The following SETBP1 variants were observed in gnomAD, a reference collection of about 807,000 sequenced individuals.
The protein encoded by SETBP1 is SET binding protein 1, also known as SET-binding protein.
SETBP1 carries 9 observed loss-of-function variants against 101.0 expected under a neutral mutation model. The ratio of observed to expected loss-of-function variants is 0.09; its 90% CI spans 0.05 to 0.16. SETBP1 has a LOEUF of 0.16. Among genes scored for constraint, SETBP1 ranks in the 10% least tolerant of loss-of-function variants. The probability of loss-of-function intolerance (pLI) is 1.00; values close to 1 mark genes in which losing one functional copy is unlikely to be tolerated. For missense variants in SETBP1, 1,858 were observed against 2,033.8 expected (o/e 0.91, Z 1.66); for synonymous variants, 818 against 788.5 (o/e 1.04, Z -0.63).
Position 44,788,604 on chromosome 18 carries a change from C to T in SETBP1, c.487-80626C>T, listed in dbSNP as rs149984029. On this transcript the variant is annotated intron_variant, in intron 2 of 5. Coordinates refer to ENST00000649279, the MANE Select transcript of SETBP1 (RefSeq NM_015559.3). Reference sequence around the variant, plus strand: ...CTTATCTTTGCAGTATTTCCACTCACTTATGGTGTTGTTTATTCTGTTACA... The same window carrying T: ...CTTATCTTTGCAGTATTTCCACTCATTTATGGTGTTGTTTATTCTGTTACA... Among the ~76,000 whole-genome samples the T allele has an allele frequency of 8.0e-3, 1,215 of 152,150 alleles. 16 individuals are homozygous for T. Among genetic ancestry groups the T allele is most frequent in the African/African-American group, 0.027 (1,136 of 41,466 alleles).
intron 2 of SETBP1, 71 bp downstream of exon 2, chr18:44,701,903 G>A: frequency 2.0e-6 from 3 of 1,523,280 alleles, no homozygotes; most frequent in Non-Finnish European, 2.7e-6. Context: ...CAACTTCTTA[G>A]GGTCTATTTA....
intron 5 of SETBP1, among the ~76,000 whole-genome samples, chr18:45,040,295 G>A (rs991902207): frequency 1.3e-5 from 2 of 152,062 alleles, no homozygotes; most frequent in East Asian, 3.9e-4. Context: ...CAGAAATGCA[G>A]AGGAAGTTAC....
chr18:44,869,142 T>C, intron 2 of SETBP1, 88 bp from the exon 3 acceptor site: 3 of 1,153,310 alleles, frequency 2.6e-6, no homozygotes, highest in Non-Finnish European at 3.9e-6. Flanking sequence ...ATCCAGGCTA[T>C]GGTAAGTCCA....
intron 4 of SETBP1, chr18:44,986,715 A>T (rs1049871897): frequency 1.3e-5 from 2 of 151,920 alleles, no homozygotes; most frequent in African/African-American, 4.8e-5. Flanking sequence ...CATAAATATC[A>T]CCAACTTCCA....
At chr18:45,049,218 G>T (rs532665173) in intron 5 of SETBP1, among the ~76,000 whole-genome samples, 2 of 152,244 alleles carry the variant, frequency 1.3e-5, no homozygotes, top group South Asian at 2.1e-4. Flanking sequence ...AGTTAAGATG[G>T]ACTTCTAAAG....
chr18:44,882,733 G>A (rs570462428), intron 3 of SETBP1, among the ~76,000 whole-genome samples: 1 of 152,168 alleles, frequency 6.6e-6, no homozygotes, highest in Non-Finnish European at 1.5e-5. Context: ...CAGACAGGAA[G>A]AATAGGTCAT....
At chr18:44,818,290 A>G (rs2072027101) in intron 2 of SETBP1, among the ~76,000 whole-genome samples, 1 of 152,224 alleles carries the variant, frequency 6.6e-6, no homozygotes, top group Non-Finnish European at 1.5e-5. Flanking sequence ...TTAGAGGATC[A>G]TAAAATCACC....
chr18:45,054,563 T>C (rs769128876), intron 5 of SETBP1, among the ~76,000 whole-genome samples: 3 of 152,220 alleles, frequency 2.0e-5, no homozygotes, highest in Non-Finnish European at 4.4e-5. Context: ...TCATCCATGG[T>C]GGGCAACCCC....
At chr18:44,767,075 A>G (rs1306695048) in intron 2 of SETBP1, among the ~76,000 whole-genome samples, 2 of 152,244 alleles carry the variant, frequency 1.3e-5, no homozygotes. Flanking sequence ...TAGGAGTGAC[A>G]GGAAGAAAAA....
intron 4 of SETBP1, among the ~76,000 whole-genome samples, chr18:45,010,374 T>C (rs1343700923): frequency 6.6e-6 from 1 of 152,236 alleles, no homozygotes; most frequent in Non-Finnish European, 1.5e-5. Flanking sequence ...TAAAAGCTGA[T>C]AATCCCCAGT....
In SETBP1 at chr18:44,765,109, C is replaced by G. The variant is rs531166191; in HGVS notation, c.486+63277C>G. 8.5e-5 allele frequency among the ~76,000 whole-genome samples: 13 copies of G among 152,274 alleles called. No individual in the cohort carries two copies. In the South Asian group the frequency reaches 2.7e-3, roughly 32 times the overall value. On this transcript the variant is annotated intron_variant, in intron 2 of 5. Coordinates refer to ENST00000649279, the MANE Select transcript of SETBP1 (RefSeq NM_015559.3). The stretch of plus-strand genomic sequence containing the variant: ...TAAGTTGGAAGCCTTGGGTTGAGAC[C>G]AGGTTTTGCCGCAAACAAGCTCCGT...
At chr18:44,876,896 C>T in intron 3 of SETBP1, 1 of 1,385,102 alleles carries the variant, frequency 7.2e-7, no homozygotes, top group Admixed American at 3.1e-5. Context: ...TAGACATTCT[C>T]TCTGGGTCTA....
chr18:44,985,169 G>A (rs1334155196), intron 4 of SETBP1, among the ~76,000 whole-genome samples: 1 of 152,132 alleles, frequency 6.6e-6, no homozygotes, highest in African/African-American at 2.4e-5. Flanking sequence ...ACTGAATGAG[G>A]TGTAAGAGAT....
At chr18:45,043,761 C>T (rs1380345918) in intron 5 of SETBP1, among the ~76,000 whole-genome samples, 2 of 152,122 alleles carry the variant, frequency 1.3e-5, no homozygotes, top group African/African-American at 4.8e-5. Flanking sequence ...CTAACTGTTA[C>T]CTGTAGTCAA....
intron 3 of SETBP1, among the ~76,000 whole-genome samples, chr18:44,931,588 G>T (rs758459117): frequency 5.3e-5 from 8 of 152,130 alleles, no homozygotes; most frequent in Non-Finnish European, 8.8e-5. Context: ...CTCTTTGTAG[G>T]TCTCTAAGGA....
intron 2 of SETBP1, among the ~76,000 whole-genome samples, chr18:44,741,699 C>T (rs1312393278): frequency 6.6e-6 from 1 of 152,146 alleles, no homozygotes; most frequent in Non-Finnish European, 1.5e-5. Context: ...CAAGGGAGCT[C>T]AGCTGTGGAG....
At chr18:44,981,591 A>G (rs965234305) in intron 4 of SETBP1, among the ~76,000 whole-genome samples, 6 of 152,236 alleles carry the variant, frequency 3.9e-5, no homozygotes, top group African/African-American at 1.4e-4. Flanking sequence ...AGGACTTTGC[A>G]AGAGAAGAGC....
chr18:44,903,396 T>C (rs1212871513), intron 3 of SETBP1, among the ~76,000 whole-genome samples: 2 of 152,190 alleles, frequency 1.3e-5, no homozygotes, highest in African/African-American at 2.4e-5. Context: ...TCTGATGTTA[T>C]TGACAACTTA....
At chr18:45,039,482 T>C (rs937789629) in intron 5 of SETBP1, among the ~76,000 whole-genome samples, 1 of 152,160 alleles carries the variant, frequency 6.6e-6, no homozygotes, top group African/African-American at 2.4e-5. Context: ...TCACAGCTCC[T>C]CCAGGACATC....
Sources: allele counts gnomAD v4.1 joint callset (sites outside exome capture counted in the v4.1 genomes callset), GRCh38; gene constraint gnomAD v4.1.1; transcripts MANE v1.5; gene names NCBI Gene and HGNC (gene_info 2026-07-23, HGNC 2026-07-21).